The following GABBR2 variants were observed in gnomAD, a reference collection of about 807,000 sequenced individuals.
The protein encoded by GABBR2 is G-protein coupled receptor 51.
Under a neutral mutation model 105.6 loss-of-function variants are expected in GABBR2, and 23 were observed. The observed-to-expected ratio is 0.22, with a 90% CI of 0.16 to 0.31. The LOEUF is 0.31. Ranked by LOEUF, GABBR2 falls within the 10% of genes least tolerant of loss-of-function variation. The probability of loss-of-function intolerance (pLI) is 1.00; values close to 1 mark genes in which losing one functional copy is unlikely to be tolerated. For synonymous variants in GABBR2, 478 were observed against 499.7 expected (o/e 0.96, Z 0.58); for missense variants, 734 against 1,245.5 (o/e 0.59, Z 6.18).
intron 5 of GABBR2, 34 bp from the exon 6 acceptor site, chr9:98,473,380 G>A: frequency 7.0e-7 from 1 of 1,421,246 alleles, no homozygotes; most frequent in Non-Finnish European, 9.9e-7. Context: ...AGGGCATTGA[G>A]AGTCGCACAG....
chr9:98,377,160 G>A (rs551422200), intron 11 of GABBR2, among the ~76,000 whole-genome samples: 1 of 152,188 alleles, frequency 6.6e-6, no homozygotes, highest in South Asian at 2.1e-4. Context: ...AACCCCAGAA[G>A]GTGCCTCAGG....
At chr9:98,473,571 G>T (rs756468776) in intron 5 of GABBR2, among the ~76,000 whole-genome samples, 1 of 151,916 alleles carries the variant, frequency 6.6e-6, no homozygotes, top group East Asian at 1.9e-4. Flanking sequence ...AAACATAAGG[G>T]CCCATAAAAA....
At chr9:98,690,099 C>G (rs538333637) in intron 1 of GABBR2, among the ~76,000 whole-genome samples, 1 of 152,336 alleles carries the variant, frequency 6.6e-6, no homozygotes, top group South Asian at 2.1e-4. Context: ...CGTTCAGACA[C>G]CTATCACAGC....
In GABBR2 at chr9:98,456,019, C is replaced by G. The variant is rs1160540436; in HGVS notation, c.1000-1802G>C. 2.0e-5 allele frequency among the ~76,000 whole-genome samples: 3 copies of G among 152,148 alleles called. No homozygotes were observed. The East Asian group carries it at 5.8e-4, about 29-fold the overall frequency. On this transcript the variant is annotated intron_variant, in intron 6 of 18. Coordinates refer to ENST00000259455, the MANE Select transcript of GABBR2 (RefSeq NM_005458.8). Reference sequence around the variant, plus strand: ...TCAAGATACACAGTGGGCAGAAACTCCCCCCAAATCCCAGGTTCCTCAAAG... The same window carrying G: ...TCAAGATACACAGTGGGCAGAAACTGCCCCCAAATCCCAGGTTCCTCAAAG...
At chr9:98,534,238 G>C (rs1207983625) in intron 3 of GABBR2, among the ~76,000 whole-genome samples, 1 of 152,242 alleles carries the variant, frequency 6.6e-6, no homozygotes, top group East Asian at 1.9e-4. Flanking sequence ...ACCTCAGTGG[G>C]GCCTGCCACT....
In GABBR2 at chr9:98,476,868, G is replaced by A. The variant is rs140578353; in HGVS notation, c.799-3522C>T. On this transcript the variant is annotated intron_variant, in intron 5 of 18. Coordinates refer to ENST00000259455, the MANE Select transcript of GABBR2 (RefSeq NM_005458.8). ...CTGCTATAGACTTGGAAAGTAGGGC[G>A]CCTAGATTGCTAAGCATATTTGTAG... 5.9e-5 allele frequency among the ~76,000 whole-genome samples: 9 copies of A among 152,306 alleles called. No homozygotes were observed. In the East Asian group the frequency reaches 1.3e-3, roughly 23 times the overall value.
chr9:98,671,150 C>T (rs548790729), intron 1 of GABBR2, among the ~76,000 whole-genome samples: 2 of 152,126 alleles, frequency 1.3e-5, no homozygotes, highest in Admixed American at 6.5e-5. Flanking sequence ...CTGCCACCCC[C>T]CCGCCCCACT....
rs538708528 is a variant in GABBR2 at position 98,288,834 on chromosome 9, T to C, written c.*1750A>G. On this transcript the variant is annotated 3_prime_UTR_variant, in exon 19 of 19. Coordinates refer to ENST00000259455, the MANE Select transcript of GABBR2 (RefSeq NM_005458.8). ...ACGTGAAATAGGGTGCTTTGAAATG[T>C]TGGCATTGGTAAGATTCCTGTGGGC... 1.3e-5 allele frequency: 2 copies of C among 152,774 alleles called. No individual in the cohort carries two copies. The highest frequency in any genetic ancestry group is 1.9e-4 in the East Asian group (1 of 5,186). 9.5% of individuals were successfully genotyped at this position (152,774 alleles called of 1,614,324 possible). A position where few individuals can be genotyped will look rare whatever the true frequency, so the allele number is the denominator to read the frequency against.
intron 13 of GABBR2, among the ~76,000 whole-genome samples, chr9:98,344,797 AC>A (rs1461722922): frequency 6.6e-6 from 1 of 151,658 alleles, no homozygotes; most frequent in Non-Finnish European, 1.5e-5. Flanking sequence ...GGGTTACTAC[AC>A]TCACTCTCAT....
intron 4 of GABBR2, among the ~76,000 whole-genome samples, chr9:98,488,854 T>A (rs1019268879): frequency 6.6e-6 from 1 of 152,230 alleles, no homozygotes; most frequent in Non-Finnish European, 1.5e-5. Context: ...GCTAGACTGC[T>A]GAGCTAGAAT....
At chr9:98,558,039 G>A (rs1564113922) in intron 2 of GABBR2, among the ~76,000 whole-genome samples, 1 of 152,116 alleles carries the variant, frequency 6.6e-6, no homozygotes, top group Non-Finnish European at 1.5e-5. Flanking sequence ...ATTACAGAAT[G>A]AGTTAGACTT....
rs1588198349 is a variant in GABBR2, at chr9:98,501,372, C to T, written c.631-4858G>A. On this transcript the variant is annotated intron_variant, in intron 3 of 18. Transcript: ENST00000259455. ...TAGAGACGGGGTTTCGCCATGTTGG[C>T]CAGGCTGGTTTCAAACTCTTGACCT... 3.3e-5 allele frequency among the ~76,000 whole-genome samples: 5 copies of T among 152,260 alleles called. 1 individual carries two copies. The highest frequency in any genetic ancestry group is 3.3e-4 in the Admixed American group (5 of 15,302).
chr9:98,425,420 A>T (rs902259729), intron 7 of GABBR2, among the ~76,000 whole-genome samples: 1 of 152,196 alleles, frequency 6.6e-6, no homozygotes, highest in Non-Finnish European at 1.5e-5. Flanking sequence ...TGCTTGGTAC[A>T]CATGTGTTTG....
At position 98,471,405 on chromosome 9, in the gene GABBR2, G is replaced by A. The variant is rs189453170; in HGVS notation, c.999+1741C>T. 3.0e-3 allele frequency among the ~76,000 whole-genome samples: 451 copies of A among 152,310 alleles called. 4 individuals are homozygous for A. The highest frequency in any genetic ancestry group is 0.01 in the African/African-American group (416 of 41,566). On this transcript the variant is annotated intron_variant, in intron 6 of 18. Coordinates refer to ENST00000259455, the MANE Select transcript of GABBR2 (RefSeq NM_005458.8). Reference sequence around the variant, plus strand: ...CAGCCTCTTCACCAATCCCGAATAAGAAAATTTAGAAAAGGGAAGTCAGTG... The same window carrying A: ...CAGCCTCTTCACCAATCCCGAATAAAAAAATTTAGAAAAGGGAAGTCAGTG...
At chr9:98,509,488 T>A (rs1827590112) in intron 3 of GABBR2, among the ~76,000 whole-genome samples, 1 of 151,906 alleles carries the variant, frequency 6.6e-6, no homozygotes, top group African/African-American at 2.4e-5. Flanking sequence ...CAGGAGGAAA[T>A]TCGAACCAAT....
intron 1 of GABBR2, among the ~76,000 whole-genome samples, chr9:98,688,319 A>G (rs925557217): frequency 6.6e-6 from 1 of 151,850 alleles, no homozygotes; most frequent in Non-Finnish European, 1.5e-5. Flanking sequence ...CTATCTCGGC[A>G]TCATCAGCAA....
intron 11 of GABBR2, among the ~76,000 whole-genome samples, chr9:98,375,748 C>A (rs976071609): frequency 2.1e-4 from 32 of 152,316 alleles, no homozygotes; most frequent in Middle Eastern, 3.4e-3. Flanking sequence ...AAGACTCCCC[C>A]CCTTCTCCCC....
At chr9:98,477,526 C>G (rs1213197288) in intron 5 of GABBR2, among the ~76,000 whole-genome samples, 1 of 152,176 alleles carries the variant, frequency 6.6e-6, no homozygotes, top group Non-Finnish European at 1.5e-5. Context: ...GCATGAGCCA[C>G]CACACCTCCA....
intron 4 of GABBR2, among the ~76,000 whole-genome samples, chr9:98,493,491 G>A (rs1018814636): frequency 3.9e-5 from 6 of 152,098 alleles, no homozygotes; most frequent in South Asian, 2.1e-4. Flanking sequence ...TTATCTCACT[G>A]GATTGATCTA....
Sources: gnomAD v4.1 joint callset for allele counts (sites outside exome capture counted in the v4.1 genomes callset) on GRCh38, gnomAD v4.1.1 for gene constraint, MANE v1.5 for transcripts, NCBI Gene and HGNC (gene_info 2026-07-23, HGNC 2026-07-21) for gene names.